Variants in MCU observed in about 807,000 individuals in gnomAD.
MCU encodes mitochondrial calcium uniporter.
Under a neutral mutation model 45.2 loss-of-function variants are expected in MCU, and 12 were observed. The ratio of observed to expected loss-of-function variants is 0.27; its 90% CI spans 0.17 to 0.43. The LOEUF (loss-of-function observed/expected upper bound fraction) is 0.43, where lower values mean the gene tolerates loss of function less well. Ranked by LOEUF, MCU falls within the 20% of genes least tolerant of loss-of-function variation. The probability of loss-of-function intolerance (pLI) is 1.00; values close to 1 mark genes in which losing one functional copy is unlikely to be tolerated. For missense variants in MCU, 324 were observed against 436.7 expected (o/e 0.74, Z 2.30); for synonymous variants, 160 against 165.1 (o/e 0.97, Z 0.24).
chr10:72,743,660 G>C (rs1226108956), intron 1 of MCU, among the ~76,000 whole-genome samples: 1 of 152,004 alleles, frequency 6.6e-6, no homozygotes, highest in Non-Finnish European at 1.5e-5. Flanking sequence ...AGTGTATTAT[G>C]AACTTAGAGG....
intron 1 of MCU, among the ~76,000 whole-genome samples, chr10:72,775,112 C>CA (rs1843870806): frequency 6.6e-6 from 1 of 151,976 alleles, no homozygotes; most frequent in Admixed American, 6.6e-5. Flanking sequence ...ATTAGCACAT[C>CA]AAACGTTTTC....
intron 1 of MCU, among the ~76,000 whole-genome samples, chr10:72,729,554 G>T (rs1269708406): frequency 6.6e-6 from 1 of 152,196 alleles, no homozygotes; most frequent in Non-Finnish European, 1.5e-5. Flanking sequence ...ATTCAGTTTT[G>T]GAATGTTAGA....
At chr10:72,786,986 T>G (rs1028877615) in intron 1 of MCU, among the ~76,000 whole-genome samples, 1 of 151,992 alleles carries the variant, frequency 6.6e-6, no homozygotes, top group South Asian at 2.1e-4. Flanking sequence ...GCAAAGAAAA[T>G]TTATATATGG....
intron 6 of MCU, among the ~76,000 whole-genome samples, chr10:72,878,111 CTTTTTTTT>C (rs10715401): frequency 5.5e-4 from 43 of 77,948 alleles, no homozygotes; most frequent in African/African-American, 2.0e-3. Flanking sequence ...AATAATTTTG[CTTTTTTTT>C]TTTTTTTTTT....
At chr10:72,884,872 T>A (rs1004478229) in intron 7 of MCU, among the ~76,000 whole-genome samples, 2 of 152,210 alleles carry the variant, frequency 1.3e-5, no homozygotes, top group African/African-American at 4.8e-5. Context: ...TTGATATATT[T>A]TATTTTTCAT....
At chr10:72,783,646 G>T (rs1844028972) in intron 1 of MCU, among the ~76,000 whole-genome samples, 1 of 152,194 alleles carries the variant, frequency 6.6e-6, no homozygotes, top group Non-Finnish European at 1.5e-5. Flanking sequence ...GTTGGGGGGA[G>T]CTGTTGTATC....
chr10:72,883,309 A>G (rs117706849), intron 6 of MCU, among the ~76,000 whole-genome samples: 2,784 of 152,320 alleles, frequency 0.018, 60 homozygotes, highest in Middle Eastern at 0.044. Context: ...TAATGATTGT[A>G]CAACTCTGTG....
Position 72,868,670 on chromosome 10 carries a change from T to C in MCU, c.497-33T>C, listed in dbSNP as rs191859204. On this transcript the variant is annotated intron_variant, in intron 4 of 7. Transcript: ENST00000373053. ...CCAGGAATAGCAATCATTTAAGGCA[T>C]ACATTTTTTAAAAAATGTAACTTTT... The C allele has an allele frequency of 1.2e-4, 187 of 1,606,414 alleles. No homozygotes were observed. In the African/African-American group the frequency reaches 2.3e-3, roughly 20 times the overall value.
At chr10:72,757,566 A>AT (rs1843596461) in intron 1 of MCU, among the ~76,000 whole-genome samples, 2 of 151,250 alleles carry the variant, frequency 1.3e-5, no homozygotes. Flanking sequence ...GGCCATAAAA[A>AT]TTGGAGTAAC....
intron 1 of MCU, among the ~76,000 whole-genome samples, chr10:72,806,870 C>T (rs1844460544): frequency 6.6e-6 from 1 of 152,148 alleles, no homozygotes. Flanking sequence ...TATGCAAGGC[C>T]ATGAGGCCAG....
At chr10:72,773,107 G>A (rs958171912) in intron 1 of MCU, among the ~76,000 whole-genome samples, 3 of 152,076 alleles carry the variant, frequency 2.0e-5, no homozygotes, top group Non-Finnish European at 2.9e-5. Flanking sequence ...ATGTTGGCCA[G>A]GCTGGTCTTG....
chr10:72,794,198 C>T (rs546323330), intron 1 of MCU, among the ~76,000 whole-genome samples: 1 of 152,170 alleles, frequency 6.6e-6, no homozygotes, highest in South Asian at 2.1e-4. Flanking sequence ...GGAGTCATTC[C>T]TCTTGATTTG....
chr10:72,796,564 A>G (rs957788108), intron 1 of MCU, among the ~76,000 whole-genome samples: 1 of 152,150 alleles, frequency 6.6e-6, no homozygotes, highest in Non-Finnish European at 1.5e-5. Flanking sequence ...TCGCTTTGTT[A>G]CTCATGTTGG....
chr10:72,857,315 C>CT (rs1397286155), intron 2 of MCU, among the ~76,000 whole-genome samples: 1 of 151,964 alleles, frequency 6.6e-6, no homozygotes, highest in Non-Finnish European at 1.5e-5. Flanking sequence ...TCTTGGCTCA[C>CT]TGCAGCCTCC....
chr10:72,825,687 C>G (rs561616080), intron 1 of MCU, among the ~76,000 whole-genome samples: 1 of 152,174 alleles, frequency 6.6e-6, no homozygotes, highest in African/African-American at 2.4e-5. Context: ...TAGACAAGGC[C>G]CCATAGCATT....
chr10:72,731,868 T>C (rs1183977886), intron 1 of MCU, among the ~76,000 whole-genome samples: 4 of 152,222 alleles, frequency 2.6e-5, no homozygotes, highest in African/African-American at 7.2e-5. Flanking sequence ...ATTTGAGTTT[T>C]TGTTTTGCTA....
chr10:72,718,270 A>C (rs1842978349), intron 1 of MCU, among the ~76,000 whole-genome samples: 1 of 152,216 alleles, frequency 6.6e-6, no homozygotes, highest in Non-Finnish European at 1.5e-5. Flanking sequence ...GTGTTGGGAA[A>C]AAAAATTGTT....
At chr10:72,856,446 C>CT (rs1439032569) in intron 2 of MCU, among the ~76,000 whole-genome samples, 2 of 151,906 alleles carry the variant, frequency 1.3e-5, no homozygotes, top group Admixed American at 1.3e-4. Flanking sequence ...TAATGTAGGC[C>CT]TTATGAATTA....
intron 1 of MCU, among the ~76,000 whole-genome samples, chr10:72,805,101 CTCTT>C (rs1161181455): frequency 0.064 from 6,574 of 103,296 alleles, 175 homozygotes; most frequent in East Asian, 0.11. Context: ...TTCTTTCTTT[CTCTT>C]TCTTTCTTTC....
Sources: allele counts gnomAD v4.1 joint callset (sites outside exome capture counted in the v4.1 genomes callset), GRCh38; gene constraint gnomAD v4.1.1; transcripts MANE v1.5; gene names NCBI Gene and HGNC (gene_info 2026-07-23, HGNC 2026-07-21).